Variants in DYNC1LI2 observed in about 807,000 individuals in gnomAD.
The protein encoded by DYNC1LI2 is dynein cytoplasmic 1 light intermediate chain 2.
DYNC1LI2 carries 19 observed loss-of-function variants against 57.8 expected under a neutral mutation model. The observed-to-expected ratio is 0.33, with a 90% confidence interval of 0.23 to 0.48. The LOEUF is 0.48. DYNC1LI2 is among the 20% of genes least tolerant of loss of function. The pLI is 0.99. For synonymous variants in DYNC1LI2, 256 were observed against 233.4 expected (o/e 1.10, Z -0.88); for missense variants, 470 against 604.2 (o/e 0.78, Z 2.33).
At chr16:66,742,199 C>T (rs956520804) in intron 4 of DYNC1LI2, among the ~76,000 whole-genome samples, 4 of 152,138 alleles carry the variant, frequency 2.6e-5, no homozygotes, top group African/African-American at 9.7e-5. Flanking sequence ...TTATTTGAAA[C>T]GGAAACCAAT....
intron 3 of DYNC1LI2, among the ~76,000 whole-genome samples, chr16:66,743,776 A>G (rs1220361331): frequency 6.6e-6 from 1 of 152,214 alleles, no homozygotes; most frequent in Non-Finnish European, 1.5e-5. Flanking sequence ...CATACTATAA[A>G]GGATGCCAAA....
chr16:66,735,539 C>T (rs946391740), intron 5 of DYNC1LI2, among the ~76,000 whole-genome samples: 4 of 152,006 alleles, frequency 2.6e-5, no homozygotes, highest in African/African-American at 9.7e-5. Context: ...CGGAGTCTCG[C>T]TCTATCGCTC....
chr16:66,729,527 T>A (rs2017595973), intron 8 of DYNC1LI2, among the ~76,000 whole-genome samples: 1 of 150,854 alleles, frequency 6.6e-6, no homozygotes, highest in Non-Finnish European at 1.5e-5. Context: ...TACTCCCCAC[T>A]ACCCCCCACA....
At position 66,723,495 on chromosome 16, in the gene DYNC1LI2, A is replaced by G. The variant is rs2017483615; in HGVS notation, c.*227T>C. ...TGCTTGCCTCCCACAAAAGAGCCAC[A>G]TGCCCCAGAGTCCAAGGGTTATCCT... On this transcript the variant is annotated 3_prime_UTR_variant, in exon 13 of 13. Transcript: ENST00000258198. 1 of 620,582 alleles carries G rather than the reference A, an allele frequency of 1.6e-6. No individual in the cohort carries two copies. The highest frequency in any genetic ancestry group is 1.8e-5 in the African/African-American group (1 of 55,438). The allele number at this position is 620,582 out of a possible 1,614,324, so 38.4% of individuals were successfully genotyped here. A position where few individuals can be genotyped will look rare whatever the true frequency, so the allele number is the denominator to read the frequency against.
chr16:66,742,742 CAGG>C, intron 3 of DYNC1LI2, 74 bp from the exon 4 acceptor site: 1 of 1,491,162 alleles, frequency 6.7e-7, no homozygotes, highest in Non-Finnish European at 9.2e-7. Flanking sequence ...ACAGACACAT[CAGG>C]AAGATCTTGA....
rs747812153 is a variant in DYNC1LI2 at position 66,727,803 on chromosome 16, T to C, written c.1146A>G (p.Glu382=). 6.2e-6 allele frequency: 10 copies of C among 1,610,584 alleles called. No homozygotes were observed. The highest frequency in any genetic ancestry group is 1.3e-5 in the African/African-American group (1 of 74,750). The stretch of plus-strand genomic sequence containing the variant: ...AGCCAGAGGGTCCTCTTGCAGGAGA[T>C]TCCTAAGTCCAAAAGCAGCTAAGGT... ...KQPATPTRAS[E]SPARGPSGSP... The change falls in exon 11 of 13, where the codon GAA becomes GAG. Residue 382 remains glutamate, a splice_region_variant and synonymous_variant. Coordinates refer to ENST00000258198, the MANE Select transcript of DYNC1LI2 (RefSeq NM_006141.3).
chr16:66,745,857 T>C (rs1363435065), intron 3 of DYNC1LI2, among the ~76,000 whole-genome samples: 1 of 151,648 alleles, frequency 6.6e-6, no homozygotes, highest in Non-Finnish European at 1.5e-5. Context: ...GGAGCTGAGA[T>C]AATGCCACTG....
At chr16:66,732,545 G>C in intron 6 of DYNC1LI2, 71 bp from the exon 7 acceptor site, 4 of 1,535,046 alleles carry the variant, frequency 2.6e-6, no homozygotes, top group South Asian at 1.2e-5. Context: ...CAACCTCAAA[G>C]TACTACTCAT....
In DYNC1LI2 at chr16:66,751,536, A is replaced by G; in HGVS notation, c.56T>C (p.Val19Ala). The G allele has an allele frequency of 1.3e-6, 2 of 1,587,234 alleles. No individual in the cohort carries two copies. Among genetic ancestry groups the G allele is most frequent in the Non-Finnish European group, 1.7e-6 (2 of 1,169,380 alleles). The stretch of plus-strand genomic sequence containing the variant: ...ACTGGTCAGGTCGCCGGCGGCCGCC[A>G]CCGCGGGCCCGTTGGGACCTAGCAG... ...KLLLGPNGPA[V>A]AAAGDLTSEE... Residue 19 changes from valine (V) to alanine (A), a missense_variant, in exon 1 of 13, where the codon GTG (valine) becomes GCG (alanine). Val to Ala is a moderately conservative substitution (Grantham distance 64). Transcript: ENST00000258198. This position sits in a 1 kb window ranked among gnomAD's most constrained non-coding sequence, Gnocchi z 5.2.
In DYNC1LI2 at chr16:66,723,389, T is replaced by C. The variant is rs368246915; in HGVS notation, c.*333A>G. 9 of 481,704 alleles carry C rather than the reference T, an allele frequency of 1.9e-5. No homozygotes were observed. The East Asian group carries it at 2.5e-4, about 13-fold the overall frequency. The allele number at this position is 481,704 out of a possible 1,614,324, so 29.8% of individuals were successfully genotyped here. ...TAACCATCATCTTACCAATGATTTC[T>C]TGGTCTCATTTGCTCCACCCTGTTA... On this transcript the variant is annotated 3_prime_UTR_variant, in exon 13 of 13. Transcript: ENST00000258198.
At chr16:66,738,100 A>C (rs958210371) in intron 4 of DYNC1LI2, among the ~76,000 whole-genome samples, 2 of 152,200 alleles carry the variant, frequency 1.3e-5, no homozygotes, top group Non-Finnish European at 2.9e-5. Context: ...ACGAGTTTTT[A>C]TTTACAAAGA....
At chr16:66,725,199 C>G in intron 12 of DYNC1LI2, among the ~76,000 whole-genome samples, 1 of 138,276 alleles carries the variant, frequency 7.2e-6, no homozygotes. Context: ...AAAAAGTCAG[C>G]CGCAGACGGT....
At chr16:66,725,653 T>A (rs1389429920) in intron 12 of DYNC1LI2, among the ~76,000 whole-genome samples, 175 bp downstream of exon 12, 1 of 152,124 alleles carries the variant, frequency 6.6e-6, no homozygotes, top group Non-Finnish European at 1.5e-5. Flanking sequence ...GAAACCTGCA[T>A]GGTAGTAAGG....
intron 3 of DYNC1LI2, among the ~76,000 whole-genome samples, chr16:66,743,267 A>C (rs1056429746): frequency 1.3e-5 from 2 of 152,102 alleles, no homozygotes; most frequent in Non-Finnish European, 2.9e-5. Flanking sequence ...TATGAAGTAA[A>C]GATTGAGGGT....
At chr16:66,741,527 A>G (rs776283798) in intron 4 of DYNC1LI2, among the ~76,000 whole-genome samples, 17 of 152,216 alleles carry the variant, frequency 1.1e-4, no homozygotes, top group Non-Finnish European at 2.1e-4. Flanking sequence ...ACTTGATTTA[A>G]AAAGCGCATC....
chr16:66,736,149 T>C lies in DYNC1LI2; in HGVS notation c.625A>G (p.Asn209Asp). Residue 209 changes from asparagine (N) to aspartate (D), a missense_variant, in exon 5 of 13, where the codon AAT (asparagine) becomes GAT (aspartate). Transcript: ENST00000258198. ...GPLTSGSDEE[N>D]VALPLGDNVL... is the part of the protein sequence containing the mutation. ...TTGTCACCCAGAGGCAGGGCAACAT[T>C]TTCTTCATCGGAGCCTGAGGTCAGA... 6.2e-7 allele frequency: 1 copy of C among 1,614,002 alleles called. No individual in the cohort carries two copies.
intron 3 of DYNC1LI2, among the ~76,000 whole-genome samples, chr16:66,748,363 C>T (rs887692175): frequency 2.7e-5 from 4 of 149,368 alleles, no homozygotes; most frequent in Non-Finnish European, 5.9e-5. Context: ...TAACCCAAAA[C>T]CATTACTCCA....
chr16:66,751,343 G>C lies in DYNC1LI2; in HGVS notation c.111C>G (p.Ser37=), dbSNP rs1228718437. 6.2e-7 allele frequency: 1 copy of C among 1,611,694 alleles called. No homozygotes were observed. The highest frequency in any genetic ancestry group is 8.5e-7 in the Non-Finnish European group (1 of 1,178,894). The change falls in exon 2 of 13, where the codon TCC becomes TCG. Residue 37 remains serine, a synonymous_variant. Transcript: ENST00000258198. This position sits in a 1 kb window ranked among gnomAD's most constrained non-coding sequence, Gnocchi z 5.2. The part of the protein sequence containing the change: ...SEEEEGQSLW[S]SILSEVSTRA... ...GGGTGGACACTTCGCTCAGAATGGAGGACCTGTGGCGACAATGGCAAGAGT... is the reference window on the plus strand; with the variant it reads ...GGGTGGACACTTCGCTCAGAATGGACGACCTGTGGCGACAATGGCAAGAGT...
chr16:66,734,492 G>A (rs1370184160), intron 5 of DYNC1LI2, among the ~76,000 whole-genome samples, 181 bp from the exon 6 acceptor site: 2 of 146,198 alleles, frequency 1.4e-5, no homozygotes, highest in East Asian at 2.0e-4. Context: ...CTTGGGCCTC[G>A]TTTTTTTTTT....
Sources: gnomAD v4.1 joint callset for allele counts (sites outside exome capture counted in the v4.1 genomes callset) on GRCh38, gnomAD v4.1.1 for gene constraint, Gnocchi (gnomAD v3.1) non-coding constraint, MANE v1.5 for transcripts, NCBI Gene and HGNC (gene_info 2026-07-23, HGNC 2026-07-21) for gene names.